Variants in RIMBP2 observed in about 807,000 individuals in gnomAD.
The protein encoded by RIMBP2 is RIMS binding protein 2.
A neutral mutation model predicts 118.6 loss-of-function variants in RIMBP2; 48 were observed. The observed-to-expected ratio is 0.40, with a 90% CI of 0.32 to 0.51. The LOEUF (loss-of-function observed/expected upper bound fraction) is 0.51, where lower values mean the gene tolerates loss of function less well. Among genes scored for constraint, RIMBP2 ranks in the 20% least tolerant of loss-of-function variants. The pLI is 0.41. For synonymous variants in RIMBP2, 762 were observed against 742.9 expected, an observed-to-expected ratio of 1.03 and a Z score of -0.42; for missense variants, 1,551 against 1,768.3, an observed-to-expected ratio of 0.88 and a Z score of 2.20.
intron 15 of RIMBP2, chr12:130,427,943 T>G (rs1179177470): frequency 7.4e-6 from 3 of 406,914 alleles, no homozygotes; most frequent in Non-Finnish European, 1.3e-5. Context: ...CCCTGGAGGG[T>G]GCCAAATAGA....
At chr12:130,584,123 C>A (rs958754646) in intron 2 of RIMBP2, among the ~76,000 whole-genome samples, 1 of 149,458 alleles carries the variant, frequency 6.7e-6, no homozygotes, top group African/African-American at 2.5e-5. Flanking sequence ...ACTATCATTA[C>A]ATATGATGTA....
intron 2 of RIMBP2, among the ~76,000 whole-genome samples, chr12:130,582,278 C>T (rs2058532339): frequency 6.6e-6 from 1 of 152,126 alleles, no homozygotes; most frequent in Admixed American, 6.6e-5. Flanking sequence ...ATTTTCTGTG[C>T]CTGGTACATA....
intron 1 of RIMBP2, among the ~76,000 whole-genome samples, chr12:130,709,044 T>A (rs1949703891): frequency 6.6e-6 from 1 of 152,248 alleles, no homozygotes. Flanking sequence ...GGCTGTGTCA[T>A]GCATGTAACC....
chr12:130,645,677 G>C lies in RIMBP2; in HGVS notation c.-351-17221C>G, dbSNP rs542676886. Among the ~76,000 whole-genome samples, 7 of 152,310 alleles carry C rather than the reference G, an allele frequency of 4.6e-5. No homozygotes were observed. The East Asian group carries it at 1.4e-3, about 29-fold the overall frequency. On this transcript the variant is annotated intron_variant, in intron 1 of 22. Coordinates refer to ENST00000690449, the MANE Select transcript of RIMBP2 (RefSeq NM_001393629.1). ...GCGTTAGCCCAAAGAGCAGAGAGAA[G>C]GATGAGAAGAAACAAAGTCCTCGCT... is the stretch of plus-strand genomic sequence containing the variant.
intron 2 of RIMBP2, among the ~76,000 whole-genome samples, chr12:130,601,863 G>A (rs2059899856): frequency 6.6e-6 from 1 of 152,218 alleles, no homozygotes; most frequent in Admixed American, 6.5e-5. Context: ...GCAAATAGGT[G>A]TGACATAATC....
intron 3 of RIMBP2, among the ~76,000 whole-genome samples, chr12:130,510,780 T>C (rs570265030): frequency 9.2e-5 from 14 of 152,316 alleles, no homozygotes; most frequent in African/African-American, 3.4e-4. Flanking sequence ...ATATTTACTC[T>C]TTCATGGACC....
intron 2 of RIMBP2, among the ~76,000 whole-genome samples, chr12:130,555,097 A>C (rs1230339392): frequency 6.6e-6 from 1 of 152,196 alleles, no homozygotes; most frequent in East Asian, 1.9e-4. Context: ...GAGCCAAGAC[A>C]AGTTAAAAGA....
chr12:130,468,587 C>T (rs375055999), intron 6 of RIMBP2, among the ~76,000 whole-genome samples: 1 of 152,136 alleles, frequency 6.6e-6, no homozygotes, highest in Non-Finnish European at 1.5e-5. Context: ...AGGGGAATAG[C>T]AAGGGGGTGG....
chr12:130,519,248 C>T (rs1465112928), intron 2 of RIMBP2, among the ~76,000 whole-genome samples: 1 of 152,226 alleles, frequency 6.6e-6, no homozygotes, highest in Non-Finnish European at 1.5e-5. Flanking sequence ...CAACACTTCC[C>T]ACTAGGAGAG....
At chr12:130,589,529 A>C (rs2059127573) in intron 2 of RIMBP2, among the ~76,000 whole-genome samples, 1 of 152,208 alleles carries the variant, frequency 6.6e-6, no homozygotes, top group Non-Finnish European at 1.5e-5. Context: ...TATGGCTTCC[A>C]GTCCTGCCAC....
chr12:130,665,473 TGAGATCGTACCACAGCGAGCC>T (rs1393248145), intron 1 of RIMBP2, among the ~76,000 whole-genome samples: 2 of 151,218 alleles, frequency 1.3e-5, no homozygotes, highest in African/African-American at 4.9e-5. Context: ...TGAATTGAGC[TGAGATCGTACCACAGCGAGCC>T]GAGATCACGC....
chr12:130,431,483 C>A lies in RIMBP2; in HGVS notation c.2254-3146G>T. 1 of 374,346 alleles carries A rather than the reference C, an allele frequency of 2.7e-6. No homozygotes were observed. Among genetic ancestry groups the A allele is most frequent in the Non-Finnish European group, 5.6e-6 (1 of 179,682 alleles). 23.2% of individuals were successfully genotyped at this position (374,346 alleles called of 1,614,324 possible). A position where few individuals can be genotyped will look rare whatever the true frequency, so the allele number is the denominator to read the frequency against. The stretch of plus-strand genomic sequence containing the variant: ...AATGAATGTATTCTTTGAATTGAAT[C>A]AATATTTAACGTTACTTTTAAAGAA... On this transcript the variant is annotated intron_variant, in intron 14 of 22. Transcript: ENST00000690449. The surrounding 1 kb of genome is among the most constrained non-coding windows in gnomAD (Gnocchi z 4.0).
chr12:130,490,122 TCAAAA>T (rs1566133918), intron 4 of RIMBP2, among the ~76,000 whole-genome samples: 8 of 83,118 alleles, frequency 9.6e-5, no homozygotes, highest in Admixed American at 3.5e-4. Flanking sequence ...AGACTCTGTC[TCAAAA>T]AAAAAAAAAA....
rs1274663047 is a variant in RIMBP2 at position 130,523,416 on chromosome 12, T to C, written c.-216-5499A>G. On this transcript the variant is annotated intron_variant, in intron 2 of 22. Transcript: ENST00000690449. This position sits in a 1 kb window ranked among gnomAD's most constrained non-coding sequence, Gnocchi z 4.4. ...CTGCCCGGTCTGTGGGATCCTGCTA[T>C]GGCAGCCTGAGCTAGTGTATAGCCT... 1.3e-5 allele frequency among the ~76,000 whole-genome samples: 2 copies of C among 152,214 alleles called. No individual in the cohort carries two copies. The highest frequency in any genetic ancestry group is 2.9e-5 in the Non-Finnish European group (2 of 68,040).
rs897800351 is a variant in RIMBP2, at chr12:130,587,887, C to T, written c.-217+40435G>A. Among the ~76,000 whole-genome samples the T allele has an allele frequency of 1.2e-4, 18 of 151,938 alleles. No individual in the cohort carries two copies. In the East Asian group the frequency reaches 3.5e-3, roughly 29 times the overall value. On this transcript the variant is annotated intron_variant, in intron 2 of 22. Coordinates refer to ENST00000690449, the MANE Select transcript of RIMBP2 (RefSeq NM_001393629.1). Reference sequence around the variant, plus strand: ...GGGGGAGCGGTGTCCTCCAACTTCCCCTCCTGCCTGGATGCTGGTGCTGCC... The same window carrying T: ...GGGGGAGCGGTGTCCTCCAACTTCCTCTCCTGCCTGGATGCTGGTGCTGCC...
intron 1 of RIMBP2, among the ~76,000 whole-genome samples, chr12:130,633,229 C>T (rs1196656388): frequency 6.6e-6 from 1 of 152,166 alleles, no homozygotes; most frequent in Non-Finnish European, 1.5e-5. Flanking sequence ...AAAGGGTGTT[C>T]AACTTTGTCT....
Position 130,424,859 on chromosome 12 carries a change from C to T in RIMBP2, c.2413-1G>A. 2 of 1,231,884 alleles carry T rather than the reference C, an allele frequency of 1.6e-6. No homozygotes were observed. The highest frequency in any genetic ancestry group is 4.1e-5 in the South Asian group (1 of 24,304). The allele number at this position is 1,231,884 out of a possible 1,614,324, so 76.3% of individuals were successfully genotyped here. Reference sequence around the variant, plus strand: ...CCGAGGTCCTATGGTCAGTGCAGTCCTTACGGGGTGGTGTGTCAAGAACAG... The same window carrying T: ...CCGAGGTCCTATGGTCAGTGCAGTCTTTACGGGGTGGTGTGTCAAGAACAG... On this transcript the variant is annotated splice_acceptor_variant, in intron 15 of 22. Coordinates refer to ENST00000690449, the MANE Select transcript of RIMBP2 (RefSeq NM_001393629.1). LOFTEE classifies it high-confidence loss of function. This position sits in a 1 kb window ranked among gnomAD's most constrained non-coding sequence, Gnocchi z 9.8.
Position 130,576,181 on chromosome 12 carries a change from C to T in RIMBP2, c.-217+52141G>A, listed in dbSNP as rs910081017. Reference sequence around the variant, plus strand: ...CGTACCTTGTAGGCCACGGTAGGAACCTTGCTTTGTATCCTGAGCATGAGA... The same window carrying T: ...CGTACCTTGTAGGCCACGGTAGGAATCTTGCTTTGTATCCTGAGCATGAGA... On this transcript the variant is annotated intron_variant, in intron 2 of 22. Coordinates refer to ENST00000690449, the MANE Select transcript of RIMBP2 (RefSeq NM_001393629.1). This position sits in a 1 kb window ranked among gnomAD's most constrained non-coding sequence, Gnocchi z 4.2. Among the ~76,000 whole-genome samples, 1 of 152,128 alleles carries T rather than the reference C, an allele frequency of 6.6e-6. No homozygotes were observed. The highest frequency in any genetic ancestry group is 2.4e-5 in the African/African-American group (1 of 41,428).
chr12:130,648,354 G>A (rs937948643), intron 1 of RIMBP2, among the ~76,000 whole-genome samples: 1 of 145,134 alleles, frequency 6.9e-6, no homozygotes, highest in Non-Finnish European at 1.6e-5. Flanking sequence ...ATAATGGACA[G>A]GACTGAATCA....
Sources: allele counts gnomAD v4.1 joint callset (sites outside exome capture counted in the v4.1 genomes callset), GRCh38; gene constraint gnomAD v4.1.1; non-coding constraint Gnocchi (gnomAD v3.1); transcripts MANE v1.5; gene names NCBI Gene and HGNC (gene_info 2026-07-23, HGNC 2026-07-21).